PBX1: variants seen among roughly 807,000 people sequenced by gnomAD.
The protein encoded by PBX1 is PBX homeobox 1.
PBX1 carries 6 observed loss-of-function variants against 53.4 expected under a neutral mutation model. That is an observed-to-expected ratio of 0.11 (90% CI 0.06 to 0.22). PBX1 has a LOEUF of 0.22. PBX1 is among the 10% of genes least tolerant of loss of function. The pLI is 1.00. For synonymous variants in PBX1, 204 were observed against 212.3 expected, an observed-to-expected ratio of 0.96 and a Z score of 0.34; for missense variants, 251 against 551.4, an observed-to-expected ratio of 0.46 and a Z score of 5.46.
At chr1:164,813,862 T>C (rs1669744495) in intron 6 of PBX1, 1 of 152,230 alleles carries the variant, frequency 6.6e-6, no homozygotes, top group South Asian at 2.1e-4. Flanking sequence ...TTAAGAAATA[T>C]GGTTGCCTCT....
At chr1:164,587,089 G>A (rs1655000470) in intron 2 of PBX1, among the ~76,000 whole-genome samples, 1 of 152,218 alleles carries the variant, frequency 6.6e-6, no homozygotes, top group Non-Finnish European at 1.5e-5. Context: ...TGTTGTTTGT[G>A]TGTGTGTGTC....
chr1:164,582,424 CTTTT>C (rs939145375), intron 2 of PBX1, among the ~76,000 whole-genome samples: 2 of 141,228 alleles, frequency 1.4e-5, no homozygotes, highest in Admixed American at 7.1e-5. Flanking sequence ...TTCATAATTT[CTTTT>C]TTTTTTTTTT....
rs934668540 is a variant in PBX1 at position 164,748,544 on chromosome 1, A to G, written c.266-43950A>G. ...AAATAATACGTCATTAAAAGGGTCA[A>G]TCAGAAAAGAGCAGATTCTTTCCCT... On this transcript the variant is annotated intron_variant, in intron 2 of 8. Transcript: ENST00000420696. Among the ~76,000 whole-genome samples the G allele has an allele frequency of 1.4e-4, 22 of 152,254 alleles. No homozygotes were observed. The South Asian group carries it at 4.6e-3, about 32-fold the overall frequency.
At chr1:164,826,708 A>G (rs1670483241) in intron 8 of PBX1, among the ~76,000 whole-genome samples, 4 of 152,172 alleles carry the variant, frequency 2.6e-5, no homozygotes, top group Non-Finnish European at 4.4e-5. Context: ...CCTGGCCACT[A>G]TATTTAATTG....
At chr1:164,759,561 T>C (rs1666704477) in intron 2 of PBX1, among the ~76,000 whole-genome samples, 1 of 152,190 alleles carries the variant, frequency 6.6e-6, no homozygotes, top group African/African-American at 2.4e-5. Flanking sequence ...TGCTTTGACA[T>C]TGAATCCACC....
intron 2 of PBX1, among the ~76,000 whole-genome samples, chr1:164,737,510 T>G (rs1665361493): frequency 6.6e-6 from 1 of 151,158 alleles, no homozygotes. Context: ...TGAGACAGAG[T>G]CTCTGTCACC....
intron 2 of PBX1, among the ~76,000 whole-genome samples, chr1:164,723,438 G>A (rs947355298): frequency 6.6e-6 from 1 of 152,182 alleles, no homozygotes; most frequent in African/African-American, 2.4e-5. Flanking sequence ...TGGAGCATTG[G>A]CAGTCATCAA....
intron 6 of PBX1, chr1:164,817,032 T>G (rs1205807013): frequency 6.6e-6 from 1 of 152,108 alleles, no homozygotes; most frequent in East Asian, 1.9e-4. Flanking sequence ...CCTAGTTGAG[T>G]GTAGATTTAG....
At chr1:164,735,319 CAT>C (rs1333506141) in intron 2 of PBX1, among the ~76,000 whole-genome samples, 1 of 152,136 alleles carries the variant, frequency 6.6e-6, no homozygotes, top group Non-Finnish European at 1.5e-5. Context: ...GTCTATAAAA[CAT>C]GTATGTTTTT....
chr1:164,632,251 C>T (rs1453950741), intron 2 of PBX1, among the ~76,000 whole-genome samples: 1 of 152,198 alleles, frequency 6.6e-6, no homozygotes, highest in Non-Finnish European at 1.5e-5. Flanking sequence ...GACATGGCTG[C>T]ACTGGAGTTG....
At chr1:164,811,749 G>C (rs1669624022) in intron 5 of PBX1, among the ~76,000 whole-genome samples, 1 of 152,136 alleles carries the variant, frequency 6.6e-6, no homozygotes, top group Admixed American at 6.5e-5. Context: ...CTCCTTTATA[G>C]GAAGATTTTT....
intron 2 of PBX1, chr1:164,685,074 A>C (rs1468073748): frequency 2.0e-5 from 3 of 152,202 alleles, no homozygotes; most frequent in Middle Eastern, 3.2e-3. Context: ...GAGGTTAATG[A>C]CTTCCTCAAG....
chr1:164,706,887 T>C (rs1168640537), intron 2 of PBX1, among the ~76,000 whole-genome samples: 1 of 152,038 alleles, frequency 6.6e-6, no homozygotes, highest in Non-Finnish European at 1.5e-5. Context: ...TACAGAAAAA[T>C]AAACCTTTAG....
chr1:164,778,378 T>TC (rs1222946507), intron 2 of PBX1, among the ~76,000 whole-genome samples: 1 of 152,190 alleles, frequency 6.6e-6, no homozygotes, highest in Non-Finnish European at 1.5e-5. Context: ...GTGCAGTGGC[T>TC]CACACCTGTA....
At chr1:164,713,964 C>T (rs141281135) in intron 2 of PBX1, among the ~76,000 whole-genome samples, 13 of 152,304 alleles carry the variant, frequency 8.5e-5, no homozygotes, top group African/African-American at 2.9e-4. Context: ...TATGATTTCA[C>T]AGCTCACGTG....
chr1:164,605,221 A>C (rs923323552), intron 2 of PBX1: 3 of 152,224 alleles, frequency 2.0e-5, no homozygotes, highest in African/African-American at 7.2e-5. Flanking sequence ...TCTAAGAATG[A>C]ATTAGAGTTC....
At chr1:164,718,397 C>A (rs753396772) in intron 2 of PBX1, among the ~76,000 whole-genome samples, 20 of 152,136 alleles carry the variant, frequency 1.3e-4, no homozygotes, top group Admixed American at 1.3e-3. Context: ...ACTTTGAGGA[C>A]ATAACTCTGA....
intron 2 of PBX1, among the ~76,000 whole-genome samples, chr1:164,870,266 C>CTTCCTTCTTTCT (rs71097553): frequency 4.4e-5 from 2 of 45,204 alleles, no homozygotes; most frequent in Admixed American, 3.0e-4. Context: ...TCCTTCCTTC[C>CTTCCTTCTTTCT]TTCTTTCTTT....
chr1:164,560,510 G>C (rs1652960969), intron 1 of PBX1: 1 of 258,078 alleles, frequency 3.9e-6, no homozygotes, highest in Admixed American at 5.4e-5. Context: ...TTTCTTTCTT[G>C]ACTCTCCCGT....
Sources: allele counts gnomAD v4.1 joint callset (sites outside exome capture counted in the v4.1 genomes callset), GRCh38; gene constraint gnomAD v4.1.1; transcripts MANE v1.5; gene names NCBI Gene and HGNC (gene_info 2026-07-23, HGNC 2026-07-21).